Variants in CDH2 observed in about 807,000 individuals in gnomAD.
The protein encoded by CDH2 is cadherin-2.
In CDH2, 17 loss-of-function variants were observed where a neutral mutation model predicts 92.0. The observed-to-expected ratio is 0.18, with a 90% CI of 0.13 to 0.28. CDH2 has a LOEUF of 0.28. Ranked by LOEUF, CDH2 falls within the 10% of genes least tolerant of loss-of-function variation. The pLI, the probability that CDH2 is intolerant of heterozygous loss-of-function variation, is 1.00. For missense variants in CDH2, 862 were observed against 1,133.1 expected, an observed-to-expected ratio of 0.76 and a Z score of 3.44; for synonymous variants, 419 against 415.9, an observed-to-expected ratio of 1.01 and a Z score of -0.09.
chr18:28,046,874 G>C (rs2014087430), intron 2 of CDH2, among the ~76,000 whole-genome samples: 1 of 152,194 alleles, frequency 6.6e-6, no homozygotes, highest in Admixed American at 6.5e-5. Flanking sequence ...ATGGATAAAA[G>C]TGACAGAAGC....
intron 2 of CDH2, among the ~76,000 whole-genome samples, chr18:28,071,590 T>C (rs1002416908): frequency 2.6e-5 from 4 of 152,186 alleles, no homozygotes; most frequent in Admixed American, 2.6e-4. Context: ...CAGGAAAGAA[T>C]TAAACCTATT....
At chr18:28,102,397 T>C (rs1186149620) in intron 2 of CDH2, among the ~76,000 whole-genome samples, 3 of 152,150 alleles carry the variant, frequency 2.0e-5, no homozygotes, top group Non-Finnish European at 1.5e-5. Flanking sequence ...CTTGAAATGT[T>C]CTGGTGTTTT....
Position 28,043,433 on chromosome 18 carries a change from T to C in CDH2, c.173-29524A>G, listed in dbSNP as rs565438097. Among the ~76,000 whole-genome samples, 28 of 138,942 alleles carry C rather than the reference T, an allele frequency of 2.0e-4. 2 individuals carry two copies. The South Asian group carries it at 5.7e-3, about 28-fold the overall frequency. The allele number at this position is 138,942 out of a possible 152,430, so 91.2% of individuals were successfully genotyped here. ...CTTATCCATATAACCAAAAACCACC[T>C]GTACCCTAAAAATTACTGATATAAA... On this transcript the variant is annotated intron_variant, in intron 2 of 15. Coordinates refer to ENST00000269141, the MANE Select transcript of CDH2 (RefSeq NM_001792.5).
chr18:28,149,962 T>TG (rs928418565), intron 1 of CDH2, among the ~76,000 whole-genome samples: 3 of 152,290 alleles, frequency 2.0e-5, no homozygotes, highest in African/African-American at 7.2e-5. Context: ...TTTGGGACAC[T>TG]GGGAGACAGT....
At chr18:28,014,215 C>T (rs1308192616) in intron 2 of CDH2, among the ~76,000 whole-genome samples, 2 of 152,012 alleles carry the variant, frequency 1.3e-5, no homozygotes, top group Non-Finnish European at 2.9e-5. Context: ...CTGGTATTTC[C>T]TCCCACCCTA....
In CDH2 at chr18:27,990,197, T is replaced by C. The variant is rs2012368733; in HGVS notation, c.1498A>G (p.Asn500Asp). 1.9e-6 allele frequency: 3 copies of C among 1,614,014 alleles called. No individual in the cohort carries two copies. The highest frequency in any genetic ancestry group is 2.5e-6 in the Non-Finnish European group (3 of 1,180,008). Reference sequence around the variant, plus strand: ...TCTTCTTGGCGAATGATCTTAGGATTGGGGGCAAAATAAGGGTTTTCATTT... The same window carrying C: ...TCTTCTTGGCGAATGATCTTAGGATCGGGGGCAAAATAAGGGTTTTCATTT... Reference protein sequence around the residue: ...DVNENPYFAPNPKIIRQEEGL... With the variant: ...DVNENPYFAPDPKIIRQEEGL... Residue 500 changes from asparagine (N) to aspartate (D), a missense_variant, in exon 10 of 16, where the codon AAT becomes GAT. Coordinates refer to ENST00000269141, the MANE Select transcript of CDH2 (RefSeq NM_001792.5).
chr18:28,161,118 A>G (rs1716859934), intron 1 of CDH2, among the ~76,000 whole-genome samples: 1 of 152,188 alleles, frequency 6.6e-6, no homozygotes, highest in Non-Finnish European at 1.5e-5. Context: ...TTCTCTGCCC[A>G]CTATCAGTCC....
intron 2 of CDH2, among the ~76,000 whole-genome samples, chr18:28,134,229 C>T (rs1014245454): frequency 2.0e-5 from 3 of 151,160 alleles, no homozygotes; most frequent in Admixed American, 6.6e-5. Context: ...AAGACTGTGC[C>T]ACTGCACTCC....
At chr18:28,076,356 C>T (rs2014718614) in intron 2 of CDH2, among the ~76,000 whole-genome samples, 1 of 152,090 alleles carries the variant, frequency 6.6e-6, no homozygotes, top group Non-Finnish European at 1.5e-5. Flanking sequence ...TTGAGCAAGG[C>T]ACTTTACTTC....
chr18:28,149,013 C>A (rs774919203), intron 1 of CDH2, among the ~76,000 whole-genome samples: 1 of 152,110 alleles, frequency 6.6e-6, no homozygotes, highest in Non-Finnish European at 1.5e-5. Context: ...TCAGGCCCAT[C>A]GAATGAGTAA....
In CDH2 at chr18:28,086,178, T is replaced by C. The variant is rs17446407; in HGVS notation, c.172+61495A>G. 5.4e-3 allele frequency among the ~76,000 whole-genome samples: 825 copies of C among 152,268 alleles called. 6 individuals are homozygous for C. Among genetic ancestry groups the C allele is most frequent in the Non-Finnish European group, 9.9e-3 (671 of 68,006 alleles). ...TTTGCAATTGAGAAGTTGATACAAT[T>C]AAGAAAATGTGTTTATACTGTTCTA... On this transcript the variant is annotated intron_variant, in intron 2 of 15. Transcript: ENST00000269141.
At chr18:28,125,505 C>A (rs1285057840) in intron 2 of CDH2, among the ~76,000 whole-genome samples, 2 of 151,828 alleles carry the variant, frequency 1.3e-5, no homozygotes, top group African/African-American at 4.8e-5. Flanking sequence ...AAATGGCAAA[C>A]CTAATCCAAA....
At chr18:28,041,219 G>A (rs906177659) in intron 2 of CDH2, among the ~76,000 whole-genome samples, 1 of 152,152 alleles carries the variant, frequency 6.6e-6, no homozygotes, top group African/African-American at 2.4e-5. Flanking sequence ...TTTATCATTT[G>A]ATACATTCTT....
At position 27,952,092 on chromosome 18, in the gene CDH2, T is replaced by C. The variant is rs1909481154; in HGVS notation, c.*61A>G. 3 of 1,409,092 alleles carry C rather than the reference T, an allele frequency of 2.1e-6. No homozygotes were observed. The African/African-American group carries it at 4.2e-5, about 20-fold the overall frequency. The allele number at this position is 1,409,092 out of a possible 1,614,324, so 87.3% of individuals were successfully genotyped here. ...AAGTTAAAGCCTAGCTTCTGAATGC[T>C]TTTTGGGAATATCAGTTGAAATTGT... is the stretch of plus-strand genomic sequence containing the variant. On this transcript the variant is annotated 3_prime_UTR_variant, in exon 16 of 16. Transcript: ENST00000269141.
Position 27,952,213 on chromosome 18 carries a change from C to T in CDH2, c.2661G>A (p.Leu887=), listed in dbSNP as rs1284320594. 6.2e-7 allele frequency: 1 copy of T among 1,613,146 alleles called. No individual in the cohort carries two copies. The highest frequency in any genetic ancestry group is 8.5e-7 in the Non-Finnish European group (1 of 1,179,576). Residue 887 remains leucine (L), a synonymous_variant, in exon 16 of 16, where the codon CTG becomes CTA. Coordinates refer to ENST00000269141, the MANE Select transcript of CDH2 (RefSeq NM_001792.5). ...TCTTGAACCGTGGCCCCCAGTCGTT[C>T]AGGTAATCATAGTCCTGCTCACCAC... The part of the protein sequence containing the change: ...SSGGEQDYDY[L]NDWGPRFKKL...
chr18:27,978,440 C>T (rs149418423), intron 14 of CDH2, among the ~76,000 whole-genome samples: 5 of 152,194 alleles, frequency 3.3e-5, no homozygotes, highest in Admixed American at 2.0e-4. Flanking sequence ...AATGTAGCAC[C>T]GCAATGCAGT....
chr18:28,066,468 G>C (rs951861197), intron 2 of CDH2, among the ~76,000 whole-genome samples: 1 of 152,050 alleles, frequency 6.6e-6, no homozygotes, highest in African/African-American at 2.4e-5. Flanking sequence ...TTCTTGATAG[G>C]AATGCATGGA....
chr18:27,981,336 G>A (rs1486473398), intron 14 of CDH2, among the ~76,000 whole-genome samples: 2 of 152,110 alleles, frequency 1.3e-5, no homozygotes, highest in African/African-American at 2.4e-5. Flanking sequence ...ATTAATTAAA[G>A]AATTAAGCCA....
At chr18:28,135,485 ACT>A (rs562775233) in intron 2 of CDH2, among the ~76,000 whole-genome samples, 390 of 152,282 alleles carry the variant, frequency 2.6e-3, no homozygotes, top group Middle Eastern at 6.8e-3. Flanking sequence ...GAGAATTCAC[ACT>A]CTCTACTAAT....
Sources: allele counts gnomAD v4.1 joint callset (sites outside exome capture counted in the v4.1 genomes callset), GRCh38; gene constraint gnomAD v4.1.1; transcripts MANE v1.5; gene names NCBI Gene and HGNC (gene_info 2026-07-23, HGNC 2026-07-21).